ACACB: variants seen among roughly 807,000 people sequenced by gnomAD.
ACACB encodes acetyl-CoA carboxylase beta, also known as acetyl-CoA carboxylase 2.
Under a neutral mutation model 278.8 loss-of-function variants are expected in ACACB, and 209 were observed. The observed-to-expected ratio is 0.75, with a 90% confidence interval of 0.67 to 0.84. The LOEUF is 0.84. Ranked by LOEUF, ACACB falls within the 40% of genes least tolerant of loss-of-function variation. The probability of loss-of-function intolerance (pLI) is 0.00; values close to 1 mark genes in which losing one functional copy is unlikely to be tolerated. For synonymous variants in ACACB, 1,174 were observed against 1,285.6 expected (o/e 0.91, Z 1.86); for missense variants, 2,850 against 3,269.0 (o/e 0.87, Z 3.13).
At chr12:109,153,177 C>A (rs560550956) in intron 2 of ACACB, among the ~76,000 whole-genome samples, 2 of 148,912 alleles carry the variant, frequency 1.3e-5, no homozygotes, top group Non-Finnish European at 3.0e-5. Flanking sequence ...TTAGTAGAGA[C>A]GAAATTTCAC....
rs1334831528 is a variant in ACACB, at chr12:109,212,751, A to G, written c.3250-85A>G. 5.4e-6 allele frequency: 6 copies of G among 1,120,020 alleles called. No individual in the cohort carries two copies. In the Admixed American group the frequency reaches 8.9e-5, roughly 17 times the overall value. 69.4% of individuals were successfully genotyped at this position (1,120,020 alleles called of 1,614,324 possible). On this transcript the variant is annotated intron_variant, in intron 21 of 52. Coordinates refer to ENST00000338432, the MANE Select transcript of ACACB (RefSeq NM_001093.4). The stretch of plus-strand genomic sequence containing the variant: ...GCCACGGACCAGTGCTCGTTTGGGT[A>G]CTGGTTTGGGGACCCTTTCTTTAGG...
At chr12:109,220,769 G>T (rs2046137075) in intron 24 of ACACB, among the ~76,000 whole-genome samples, 1 of 152,164 alleles carries the variant, frequency 6.6e-6, no homozygotes, top group African/African-American at 2.4e-5. Context: ...TGGCCAGGCT[G>T]GTCTTGAACT....
At chr12:109,195,950 G>A (rs2045111521) in intron 16 of ACACB, among the ~76,000 whole-genome samples, 1 of 152,092 alleles carries the variant, frequency 6.6e-6, no homozygotes, top group Non-Finnish European at 1.5e-5. Flanking sequence ...GTATCAGACA[G>A]GGCAGATCTA....
intron 19 of ACACB, among the ~76,000 whole-genome samples, chr12:109,202,052 G>A (rs1028057296): frequency 3.3e-5 from 5 of 152,038 alleles, no homozygotes; most frequent in Non-Finnish European, 7.4e-5. Flanking sequence ...CCCTCCTGGC[G>A]GCTGTCCTCT....
chr12:109,112,875 AAT>A (rs1453308028), upstream of ACACB, among the ~76,000 whole-genome samples: 2 of 152,042 alleles, frequency 1.3e-5, no homozygotes, highest in Non-Finnish European at 2.9e-5. Context: ...TCAGGTGGTA[AAT>A]ATTTGAGGGT....
chr12:109,158,893 T>G (rs1174456763), intron 2 of ACACB, among the ~76,000 whole-genome samples: 2 of 152,200 alleles, frequency 1.3e-5, no homozygotes, highest in Admixed American at 1.3e-4. Context: ...GAGAATCACT[T>G]GAACCTGAGA....
At chr12:109,250,567 G>C (rs914819050) in intron 41 of ACACB, among the ~76,000 whole-genome samples, 4 of 152,074 alleles carry the variant, frequency 2.6e-5, no homozygotes, top group African/African-American at 9.7e-5. Flanking sequence ...ACTTTAACTG[G>C]CATATAAGGA....
At chr12:109,194,736 G>A (rs1201331069) in intron 16 of ACACB, among the ~76,000 whole-genome samples, 3 of 151,998 alleles carry the variant, frequency 2.0e-5, no homozygotes, top group African/African-American at 7.3e-5. Context: ...CCCTAATCCA[G>A]TATGATTTCA....
At chr12:109,172,956 G>A (rs774481017) in intron 6 of ACACB, among the ~76,000 whole-genome samples, 18 of 152,116 alleles carry the variant, frequency 1.2e-4, no homozygotes, top group South Asian at 2.1e-4. Context: ...AGAAAATGTG[G>A]TACATATACA....
chr12:109,240,078 G>A, intron 35 of ACACB, 93 bp downstream of exon 35: 1 of 1,454,216 alleles, frequency 6.9e-7, no homozygotes, highest in South Asian at 1.3e-5. Flanking sequence ...CTCAAGACCT[G>A]GGTTCCAGGA....
At chr12:109,130,679 A>T (rs1330484095) in intron 1 of ACACB, among the ~76,000 whole-genome samples, 3 of 152,204 alleles carry the variant, frequency 2.0e-5, no homozygotes, top group Non-Finnish European at 4.4e-5. Flanking sequence ...AGTGCAGGTG[A>T]AGGTGTCCAC....
intron 24 of ACACB, among the ~76,000 whole-genome samples, chr12:109,222,294 CGAGT>C (rs112567037): frequency 6.6e-6 from 1 of 150,858 alleles, no homozygotes; most frequent in Non-Finnish European, 1.5e-5. Flanking sequence ...AATGGGTGGC[CGAGT>C]GAGTGAGTGA....
intron 1 of ACACB, among the ~76,000 whole-genome samples, chr12:109,124,582 C>T (rs1284091041): frequency 2.0e-5 from 3 of 152,216 alleles, no homozygotes; most frequent in Non-Finnish European, 2.9e-5. Flanking sequence ...ACCCTCTTGC[C>T]GAATGACTTT....
At chr12:109,255,582 C>T (rs2047204947) in intron 44 of ACACB, among the ~76,000 whole-genome samples, 1 of 152,204 alleles carries the variant, frequency 6.6e-6, no homozygotes, top group Admixed American at 6.5e-5. Flanking sequence ...TCTGGCTGCC[C>T]CCTCCTGGTC....
At chr12:109,169,732 TC>T (rs1218620590) in intron 4 of ACACB, among the ~76,000 whole-genome samples, 2 of 152,188 alleles carry the variant, frequency 1.3e-5, no homozygotes, top group African/African-American at 4.8e-5. Context: ...TTTATTTTCT[TC>T]CCAGCACTGA....
chr12:109,247,518 TCCCTAC>T, intron 39 of ACACB, 82 bp from the exon 40 acceptor site: 1 of 858,626 alleles, frequency 1.2e-6, no homozygotes, highest in Non-Finnish European at 1.9e-6. Context: ...TTAACATCCA[TCCCTAC>T]GATGTTCACA....
intron 21 of ACACB, among the ~76,000 whole-genome samples, chr12:109,212,000 T>G (rs1468410435): frequency 6.6e-6 from 1 of 152,084 alleles, no homozygotes; most frequent in Non-Finnish European, 1.5e-5. Flanking sequence ...AGCACCCTGG[T>G]TTTTGCTAGA....
intron 2 of ACACB, among the ~76,000 whole-genome samples, chr12:109,158,226 T>A (rs1593427268): frequency 6.6e-6 from 1 of 152,204 alleles, no homozygotes; most frequent in Non-Finnish European, 1.5e-5. Flanking sequence ...TTGTAACTAC[T>A]CAACTCTGCT....
At chr12:109,159,189 G>T (rs1175877993) in intron 2 of ACACB, among the ~76,000 whole-genome samples, 5 of 152,198 alleles carry the variant, frequency 3.3e-5, no homozygotes, top group African/African-American at 4.8e-5. Context: ...GCGTGGTTTT[G>T]TGCTGTTTGA....
Sources: gnomAD v4.1 joint callset for allele counts (sites outside exome capture counted in the v4.1 genomes callset) on GRCh38, gnomAD v4.1.1 for gene constraint, MANE v1.5 for transcripts, NCBI Gene and HGNC (gene_info 2026-07-23, HGNC 2026-07-21) for gene names.